The following TTLL5 variants were observed in gnomAD, a reference collection of about 807,000 sequenced individuals.
TTLL5 encodes the protein tubulin polyglutamylase TTLL5.
A neutral mutation model predicts 168.4 loss-of-function variants in TTLL5; 132 were observed. The ratio of observed to expected loss-of-function variants is 0.78; its 90% CI spans 0.68 to 0.91. The LOEUF (loss-of-function observed/expected upper bound fraction) is 0.91, where lower values mean the gene tolerates loss of function less well. Ranked by LOEUF, TTLL5 falls within the 40% of genes least tolerant of loss-of-function variation. The probability of loss-of-function intolerance (pLI) is 0.00; values close to 1 mark genes in which losing one functional copy is unlikely to be tolerated. For synonymous variants in TTLL5, 546 were observed against 558.6 expected, an observed-to-expected ratio of 0.98 and a Z score of 0.32; for missense variants, 1,545 against 1,581.5, an observed-to-expected ratio of 0.98 and a Z score of 0.39.
intron 28 of TTLL5, among the ~76,000 whole-genome samples, chr14:75,835,782 A>G (rs1052608433): frequency 6.6e-6 from 1 of 152,220 alleles, no homozygotes; most frequent in African/African-American, 2.4e-5. Flanking sequence ...ATGGCAAACA[A>G]GTATATGAAA....
chr14:75,788,366 C>T (rs1201706382), intron 26 of TTLL5, among the ~76,000 whole-genome samples: 1 of 151,802 alleles, frequency 6.6e-6, no homozygotes, highest in Non-Finnish European at 1.5e-5. Flanking sequence ...ATGGACAAAC[C>T]TCTGATGACA....
chr14:75,916,102 G>T (rs1378576122), intron 31 of TTLL5, among the ~76,000 whole-genome samples: 1 of 151,526 alleles, frequency 6.6e-6, no homozygotes, highest in South Asian at 2.1e-4. Context: ...CTCCAGCCTG[G>T]GTGACAGAGC....
At chr14:75,936,873 G>A (rs953419342) in intron 31 of TTLL5, among the ~76,000 whole-genome samples, 7 of 152,198 alleles carry the variant, frequency 4.6e-5, no homozygotes, top group African/African-American at 1.7e-4. Flanking sequence ...ACCCTAAGCA[G>A]ATGGGAAGTG....
intron 3 of TTLL5, among the ~76,000 whole-genome samples, chr14:75,677,134 CTTT>C (rs953063649): frequency 1.3e-5 from 2 of 151,938 alleles, no homozygotes; most frequent in African/African-American, 4.8e-5. Flanking sequence ...ATACTAATGA[CTTT>C]TATTATTTTT....
At chr14:75,748,281 TAA>T (rs35811861) in intron 17 of TTLL5, among the ~76,000 whole-genome samples, 80,111 of 143,304 alleles carry the variant, frequency 0.56, 22,595 homozygotes, top group South Asian at 0.66. Context: ...AACTTTTTCT[TAA>T]AAAAAAAAAA....
intron 26 of TTLL5, among the ~76,000 whole-genome samples, chr14:75,787,255 T>C (rs1019323132): frequency 6.6e-6 from 1 of 152,142 alleles, no homozygotes. Flanking sequence ...ATATGCTGTT[T>C]ACCAGAGGCA....
intron 28 of TTLL5, among the ~76,000 whole-genome samples, chr14:75,856,017 C>G (rs1897107118): frequency 6.6e-6 from 1 of 152,188 alleles, no homozygotes; most frequent in Non-Finnish European, 1.5e-5. Flanking sequence ...TAAAGTGACT[C>G]TTATAACTGT....
At chr14:75,925,818 G>A (rs1459327266) in intron 31 of TTLL5, among the ~76,000 whole-genome samples, 1 of 152,160 alleles carries the variant, frequency 6.6e-6, no homozygotes, top group East Asian at 1.9e-4. Flanking sequence ...GGAGGCCGAG[G>A]CTGGCGGATC....
intron 29 of TTLL5, among the ~76,000 whole-genome samples, chr14:75,864,977 A>T (rs1272067249): frequency 6.6e-6 from 1 of 152,134 alleles, no homozygotes; most frequent in African/African-American, 2.4e-5. Flanking sequence ...TCATCAATTG[A>T]TCATCTTTAC....
At position 75,782,409 on chromosome 14, in the gene TTLL5, T is replaced by G. The variant is rs186506483; in HGVS notation, c.2516-78T>G. On this transcript the variant is annotated intron_variant, in intron 24 of 31. Transcript: ENST00000298832. ...TTGATTAGCAGTTGTGTTATATTTTTGGGAATAAAATTATGTATAGAACAG... is the reference window on the plus strand; with the variant it reads ...TTGATTAGCAGTTGTGTTATATTTTGGGGAATAAAATTATGTATAGAACAG... The G allele has an allele frequency of 1.9e-5, 22 of 1,137,702 alleles. No individual in the cohort carries two copies. In the East Asian group the frequency reaches 2.0e-4, roughly 10 times the overall value. 70.5% of individuals were successfully genotyped at this position (1,137,702 alleles called of 1,614,324 possible).
intron 27 of TTLL5, among the ~76,000 whole-genome samples, chr14:75,800,758 G>A (rs1253873864): frequency 3.3e-5 from 5 of 152,128 alleles, no homozygotes; most frequent in Admixed American, 3.3e-4. Context: ...TAGCCCCCCA[G>A]CAGAGCTGCT....
At chr14:75,790,819 G>A (rs1441161586) in intron 26 of TTLL5, among the ~76,000 whole-genome samples, 2 of 150,242 alleles carry the variant, frequency 1.3e-5, no homozygotes, top group East Asian at 2.0e-4. Flanking sequence ...TTTTGGGGCC[G>A]GGTGCGGTGG....
intron 7 of TTLL5, among the ~76,000 whole-genome samples, chr14:75,704,465 G>A (rs1437328207): frequency 1.3e-5 from 2 of 152,204 alleles, no homozygotes; most frequent in African/African-American, 4.8e-5. Flanking sequence ...CTTGAACCTA[G>A]GAAGTGGAGG....
At chr14:75,825,630 A>T (rs996687758) in intron 28 of TTLL5, among the ~76,000 whole-genome samples, 3 of 152,140 alleles carry the variant, frequency 2.0e-5, no homozygotes, top group African/African-American at 7.2e-5. Flanking sequence ...AATGCTTTCC[A>T]GCCAAAGAGC....
intron 4 of TTLL5, among the ~76,000 whole-genome samples, chr14:75,683,094 T>TTTGTA (rs1884755639): frequency 6.6e-6 from 1 of 152,128 alleles, no homozygotes; most frequent in South Asian, 2.1e-4. Flanking sequence ...CTGATACCAG[T>TTTGTA]TTGTATCCTG....
intron 18 of TTLL5, chr14:75,757,891 A>G: frequency 6.3e-7 from 1 of 1,586,500 alleles, no homozygotes; most frequent in African/African-American, 1.3e-5. Flanking sequence ...TTAAAAGTTG[A>G]GAAATGCTTT....
chr14:75,902,688 C>A, intron 31 of TTLL5: 2 of 451,466 alleles, frequency 4.4e-6, no homozygotes, highest in Non-Finnish European at 4.5e-6. Flanking sequence ...ACGTGTTGTG[C>A]TAATGCCATG....
At chr14:75,733,258 A>G (rs552282749) in intron 13 of TTLL5, among the ~76,000 whole-genome samples, 8 of 152,312 alleles carry the variant, frequency 5.3e-5, no homozygotes, top group Admixed American at 3.9e-4. Flanking sequence ...ATATTATACT[A>G]TACTTTAAAA....
chr14:75,923,645 T>A (rs1055745380), intron 31 of TTLL5, among the ~76,000 whole-genome samples: 2 of 152,248 alleles, frequency 1.3e-5, no homozygotes, highest in African/African-American at 4.8e-5. Context: ...TGGTCAATTT[T>A]AGAATAAGTG....
Sources: allele counts gnomAD v4.1 joint callset (sites outside exome capture counted in the v4.1 genomes callset), GRCh38; gene constraint gnomAD v4.1.1; transcripts MANE v1.5; gene names NCBI Gene and HGNC (gene_info 2026-07-23, HGNC 2026-07-21).